The following LATS2 variants were observed in gnomAD, a reference collection of about 807,000 sequenced individuals.
LATS2 encodes large tumor suppressor kinase 2.
Under a neutral mutation model 76.0 loss-of-function variants are expected in LATS2, and 24 were observed. That is an observed-to-expected ratio of 0.32 (90% CI 0.23 to 0.44). The LOEUF (loss-of-function observed/expected upper bound fraction) is 0.44, where lower values mean the gene tolerates loss of function less well. Ranked by LOEUF, LATS2 falls within the 20% of genes least tolerant of loss-of-function variation. The probability of loss-of-function intolerance (pLI) is 1.00; values close to 1 mark genes in which losing one functional copy is unlikely to be tolerated. For synonymous variants in LATS2, 692 were observed against 635.4 expected, an observed-to-expected ratio of 1.09 and a Z score of -1.34; for missense variants, 1,286 against 1,481.2, an observed-to-expected ratio of 0.87 and a Z score of 2.16.
intron 2 of LATS2, among the ~76,000 whole-genome samples, chr13:20,994,342 A>C (rs182863034): frequency 6.6e-6 from 1 of 152,338 alleles, no homozygotes; most frequent in Admixed American, 6.5e-5. Flanking sequence ...CTATCTGTAC[A>C]TTAAATCTCA....
At chr13:21,017,788 A>G (rs1871868770) in intron 2 of LATS2, among the ~76,000 whole-genome samples, 1 of 151,726 alleles carries the variant, frequency 6.6e-6, no homozygotes, top group African/African-American at 2.4e-5. Context: ...ACCACACCCA[A>G]CTAATTTTTA....
chr13:20,981,412 C>T, intron 6 of LATS2, 54 bp downstream of exon 6: 1 of 1,515,152 alleles, frequency 6.6e-7, no homozygotes, highest in Non-Finnish European at 9.0e-7. Flanking sequence ...AGACTCAGCT[C>T]ACGTCTGAAG....
chr13:21,018,076 T>G (rs911276893), intron 2 of LATS2: 1 of 152,226 alleles, frequency 6.6e-6, no homozygotes, highest in African/African-American at 2.4e-5. Flanking sequence ...GTCACTCAGC[T>G]TCAGTAACAC....
chr13:21,044,386 G>A (rs898956870), intron 2 of LATS2, among the ~76,000 whole-genome samples: 3 of 152,158 alleles, frequency 2.0e-5, no homozygotes, highest in African/African-American at 7.2e-5. Flanking sequence ...GAAACCAGAA[G>A]TGCTCAGGCC....
chr13:21,045,807 G>T lies in LATS2; in HGVS notation c.220C>A (p.Gln74Lys). ...TATCTGATTTCCCTCAAGGCTTTCTGATAAGGTCCGAACTTTGGGGTGGCT... is the reference window on the plus strand; with the variant it reads ...TATCTGATTTCCCTCAAGGCTTTCTTATAAGGTCCGAACTTTGGGGTGGCT... Reference protein sequence around the residue: ...MRATPKFGPYQKALREIRYSL... With the variant: ...MRATPKFGPYKKALREIRYSL... The change falls in exon 2 of 8, where the codon CAG (glutamine) becomes AAG (lysine). Residue 74 changes from glutamine (Q) to lysine (K), a missense_variant. Physicochemically the swap from Gln to Lys is moderately conservative, Grantham distance 53. Transcript: ENST00000382592. The T allele has an allele frequency of 6.2e-7, 1 of 1,614,222 alleles. No homozygotes were observed. Among genetic ancestry groups the T allele is most frequent in the Admixed American group, 1.7e-5 (1 of 60,032 alleles).
At chr13:21,020,745 G>C (rs1214245453) in intron 2 of LATS2, among the ~76,000 whole-genome samples, 2 of 152,160 alleles carry the variant, frequency 1.3e-5, no homozygotes, top group Admixed American at 1.3e-4. Context: ...AGGCTGTGGG[G>C]ACATAAGCTG....
chr13:20,979,860 T>C, intron 6 of LATS2, 63 bp from the exon 7 acceptor site: 1 of 910,710 alleles, frequency 1.1e-6, no homozygotes, highest in Non-Finnish European at 1.8e-6. Context: ...GTGAATTTCA[T>C]TAAGATGCTG....
intron 2 of LATS2, among the ~76,000 whole-genome samples, chr13:21,025,597 A>G (rs1872281343): frequency 6.6e-6 from 1 of 152,142 alleles, no homozygotes; most frequent in African/African-American, 2.4e-5. Flanking sequence ...TCTTCATGAC[A>G]CGTGAGGTAG....
In LATS2 at chr13:21,029,834, C is replaced by T. The variant is rs112321664; in HGVS notation, c.342+15851G>A. On this transcript the variant is annotated intron_variant, in intron 2 of 7. Coordinates refer to ENST00000382592, the MANE Select transcript of LATS2 (RefSeq NM_014572.3). ...TATTGGGGATGGGCGTAGTGGCTCA[C>T]GCCTGTAATCCCAGCACTTTGGGAA... is the stretch of plus-strand genomic sequence containing the variant. 2.1e-3 allele frequency among the ~76,000 whole-genome samples: 322 copies of T among 151,908 alleles called. 1 individual carries two copies. Among genetic ancestry groups the T allele is most frequent in the African/African-American group, 7.1e-3 (295 of 41,424 alleles).
rs543714031 is a variant in LATS2, at chr13:20,989,132, G to A, written c.648C>T (p.Phe216=). ...EMPRPYVDYL[F]PGVGPHGPGH... is the part of the protein sequence containing the mutation. ...CGGGCCCGTGGGGGCCGACTCCGGG[G>A]AAAAGGTAGTCCACGTACGGCCGCG... Residue 216 remains phenylalanine, a synonymous_variant, in exon 4 of 8, where the codon TTC becomes TTT. Transcript: ENST00000382592. 2.7e-5 allele frequency: 44 copies of A among 1,610,230 alleles called. No individual in the cohort carries two copies. The South Asian group carries it at 4.6e-4, about 17-fold the overall frequency.
intron 2 of LATS2, among the ~76,000 whole-genome samples, chr13:21,024,093 C>CCAAAAA (rs1872201333): frequency 1.3e-5 from 1 of 79,246 alleles, no homozygotes; most frequent in African/African-American, 4.4e-5. Flanking sequence ...TCTCGCTGTG[C>CCAAAAA]AAAAAAAAAA....
Position 21,060,252 on chromosome 13 carries a change from A to G in LATS2, c.-205+1094T>C, listed in dbSNP as rs190919796. Among the ~76,000 whole-genome samples, 133 of 152,326 alleles carry G rather than the reference A, an allele frequency of 8.7e-4. 1 individual carries two copies. The highest frequency in any genetic ancestry group is 1.5e-3 in the Admixed American group (23 of 15,306). Reference sequence around the variant, plus strand: ...CATCCCCGAGGGAAAGCTCCCCAGAAGTTCTGGAGTTGGGCTGAAGGATGT... The same window carrying G: ...CATCCCCGAGGGAAAGCTCCCCAGAGGTTCTGGAGTTGGGCTGAAGGATGT... On this transcript the variant is annotated intron_variant, in intron 1 of 7. Coordinates refer to ENST00000382592, the MANE Select transcript of LATS2 (RefSeq NM_014572.3).
chr13:21,008,413 A>G (rs1159318317), intron 2 of LATS2, among the ~76,000 whole-genome samples: 3 of 152,154 alleles, frequency 2.0e-5, no homozygotes, highest in Admixed American at 2.0e-4. Flanking sequence ...CTGAGACACA[A>G]ACAGCCAGGA....
At chr13:21,000,421 A>G (rs906620506) in intron 2 of LATS2, among the ~76,000 whole-genome samples, 2 of 152,088 alleles carry the variant, frequency 1.3e-5, no homozygotes, top group Non-Finnish European at 2.9e-5. Context: ...TGTGCTGGTA[A>G]AACTATTCTT....
chr13:20,985,066 G>A (rs1216398667), intron 4 of LATS2, among the ~76,000 whole-genome samples: 2 of 152,092 alleles, frequency 1.3e-5, no homozygotes, highest in African/African-American at 2.4e-5. Flanking sequence ...AGACATGCTG[G>A]GAAAACTAGA....
intron 1 of LATS2, 45 bp downstream of exon 1, chr13:21,061,301 C>T (rs1165132837): frequency 6.6e-6 from 1 of 152,386 alleles, no homozygotes; most frequent in African/African-American, 2.4e-5. Context: ...AAACTCTCGC[C>T]ACCCTCCGAG....
intron 1 of LATS2, among the ~76,000 whole-genome samples, chr13:21,059,752 G>C (rs1169407308): frequency 2.0e-5 from 3 of 152,146 alleles, no homozygotes; most frequent in Admixed American, 1.3e-4. Context: ...GATCACCTGA[G>C]GTCAGGAGTT....
chr13:21,016,947 C>T (rs1376677842), intron 2 of LATS2, among the ~76,000 whole-genome samples: 2 of 152,212 alleles, frequency 1.3e-5, no homozygotes, highest in Non-Finnish European at 2.9e-5. Flanking sequence ...GGCCATGCAT[C>T]TGTTCTCAGA....
At chr13:20,976,164 AC>A (rs1209325500) in intron 7 of LATS2, among the ~76,000 whole-genome samples, 8 of 152,236 alleles carry the variant, frequency 5.3e-5, no homozygotes, top group Non-Finnish European at 1.2e-4. Flanking sequence ...TACTGTGAAG[AC>A]AAAACCTAGG....
Sources: gnomAD v4.1 joint callset for allele counts (sites outside exome capture counted in the v4.1 genomes callset) on GRCh38, gnomAD v4.1.1 for gene constraint, MANE v1.5 for transcripts, NCBI Gene and HGNC (gene_info 2026-07-23, HGNC 2026-07-21) for gene names.